EDARADD: variants seen among roughly 807,000 people sequenced by gnomAD.
EDARADD encodes ectodysplasin-A receptor-associated adapter protein.
In EDARADD, 20 loss-of-function variants were observed where a neutral mutation model predicts 25.6. The ratio of observed to expected loss-of-function variants is 0.78; its 90% confidence interval spans 0.55 to 1.14. The LOEUF is 1.14. Ranked by LOEUF, EDARADD falls within the 50% of genes most tolerant of loss-of-function variation. The probability of loss-of-function intolerance (pLI) is 0.00; values close to 1 mark genes in which losing one functional copy is unlikely to be tolerated. For synonymous variants in EDARADD, 86 were observed against 94.4 expected, an observed-to-expected ratio of 0.91 and a Z score of 0.52; for missense variants, 225 against 270.1, an observed-to-expected ratio of 0.83 and a Z score of 1.17.
chr1:236,465,971 T>C (rs1425822356), intron 4 of EDARADD, among the ~76,000 whole-genome samples: 1 of 152,236 alleles, frequency 6.6e-6, no homozygotes, highest in East Asian at 1.9e-4. Context: ...GGCCAGACAT[T>C]GACCTTGGTA....
chr1:236,392,688 T>A (rs535130238), upstream of EDARADD, among the ~76,000 whole-genome samples: 8 of 151,836 alleles, frequency 5.3e-5, no homozygotes, highest in South Asian at 1.7e-3. Context: ...TTATTTATTT[T>A]GAGATGGAGT....
chr1:236,400,161 C>G (rs1667589309), intron 1 of EDARADD, among the ~76,000 whole-genome samples: 1 of 152,188 alleles, frequency 6.6e-6, no homozygotes, highest in African/African-American at 2.4e-5. Flanking sequence ...TCCCAATGCT[C>G]ACTTCATTTC....
chr1:236,356,490 G>A (rs1666977127), intron 3 of EDARADD, among the ~76,000 whole-genome samples: 1 of 152,110 alleles, frequency 6.6e-6, no homozygotes, highest in Non-Finnish European at 1.5e-5. Flanking sequence ...TTGCAGCTAG[G>A]CCAGAGGACC....
At chr1:236,459,960 T>C (rs998034447) in intron 4 of EDARADD, among the ~76,000 whole-genome samples, 4 of 152,148 alleles carry the variant, frequency 2.6e-5, no homozygotes, top group Admixed American at 2.0e-4. Context: ...ACTTGAATTC[T>C]TGCCCACCTC....
chr1:236,399,317 G>T (rs887409746), intron 1 of EDARADD, among the ~76,000 whole-genome samples: 8 of 152,102 alleles, frequency 5.3e-5, no homozygotes, highest in African/African-American at 1.9e-4. Context: ...AAGTAGCTCG[G>T]ATTACAGGGG....
intron 5 of EDARADD, among the ~76,000 whole-genome samples, chr1:236,468,729 A>T (rs1428418389): frequency 6.6e-6 from 1 of 152,222 alleles, no homozygotes; most frequent in Non-Finnish European, 1.5e-5. Context: ...CTGCAGGGAA[A>T]GCCGTATCTT....
At chr1:236,424,419 T>A (rs761489806) in intron 3 of EDARADD, among the ~76,000 whole-genome samples, 14 of 152,070 alleles carry the variant, frequency 9.2e-5, no homozygotes, top group Non-Finnish European at 1.9e-4. Flanking sequence ...CATCTTGGCC[T>A]CCCAAAGTGC....
chr1:236,480,096 C>CACATATAT (rs1659626762), intron 5 of EDARADD, among the ~76,000 whole-genome samples: 1 of 77,834 alleles, frequency 1.3e-5, no homozygotes, highest in Non-Finnish European at 2.3e-5. Flanking sequence ...TTAAGTATGC[C>CACATATAT]ATATATATAT....
intron 3 of EDARADD, among the ~76,000 whole-genome samples, chr1:236,427,055 A>G (rs2103015908): frequency 6.6e-6 from 1 of 152,212 alleles, no homozygotes; most frequent in East Asian, 1.9e-4. Context: ...CTAATTTTGT[A>G]TTTTTAGTAG....
Position 236,363,030 on chromosome 1 carries a change from T to TATAA in EDARADD, c.-6+12193_-6+12196dup, listed in dbSNP as rs1553262250. On this transcript the variant is annotated intron_variant, in intron 3 of 7. Transcript: ENST00000439430. ...AAATATATATATATATATATATATA[T>TATAA]ATAAAATTTGTGTACAGACAGAGTC... is the stretch of plus-strand genomic sequence containing the variant. Among the ~76,000 whole-genome samples, 182 of 101,896 alleles carry TATAA rather than the reference T, an allele frequency of 1.8e-3. 4 individuals are homozygous for TATAA. Among genetic ancestry groups the TATAA allele is most frequent in the African/African-American group, 5.9e-3 (156 of 26,638 alleles). 66.8% of individuals were successfully genotyped at this position (101,896 alleles called of 152,430 possible).
intron 3 of EDARADD, among the ~76,000 whole-genome samples, chr1:236,377,243 C>G (rs1572115447): frequency 6.6e-6 from 1 of 151,324 alleles, no homozygotes; most frequent in Admixed American, 6.6e-5. Context: ...GCAACCTCCA[C>G]CTCCTGGGTT....
At chr1:236,446,225 GC>G (rs1456404282) in intron 4 of EDARADD, among the ~76,000 whole-genome samples, 1 of 152,018 alleles carries the variant, frequency 6.6e-6, no homozygotes, top group Non-Finnish European at 1.5e-5. Context: ...ACAGCCCTTG[GC>G]CTGGCTATGA....
At chr1:236,367,246 T>C (rs1201430921) in intron 3 of EDARADD, among the ~76,000 whole-genome samples, 1 of 151,808 alleles carries the variant, frequency 6.6e-6, no homozygotes, top group East Asian at 1.9e-4. Flanking sequence ...TTTATTTTAT[T>C]TTAGACGGAG....
chr1:236,377,451 C>T (rs1401990184), intron 3 of EDARADD, among the ~76,000 whole-genome samples: 1 of 151,384 alleles, frequency 6.6e-6, no homozygotes, highest in African/African-American at 2.4e-5. Flanking sequence ...CCACCACGCC[C>T]AGCCCAGCCC....
At chr1:236,369,710 T>C (rs757435470) in intron 3 of EDARADD, among the ~76,000 whole-genome samples, 1 of 152,150 alleles carries the variant, frequency 6.6e-6, no homozygotes, top group Non-Finnish European at 1.5e-5. Context: ...TGGTGGTGCA[T>C]GCCTGTAATC....
At chr1:236,444,666 C>T (rs933385882) in intron 4 of EDARADD, among the ~76,000 whole-genome samples, 9 of 152,160 alleles carry the variant, frequency 5.9e-5, no homozygotes, top group Non-Finnish European at 1.2e-4. Flanking sequence ...TCAGGTGATC[C>T]GCCCAACTCG....
At chr1:236,464,253 A>ATT (rs58086878) in intron 4 of EDARADD, among the ~76,000 whole-genome samples, 1 of 141,752 alleles carries the variant, frequency 7.1e-6, no homozygotes, top group Non-Finnish European at 1.5e-5. Context: ...TGCAAGTATT[A>ATT]TTTTTTTTTT....
chr1:236,359,526 C>A (rs76701295), intron 3 of EDARADD, among the ~76,000 whole-genome samples: 1 of 152,138 alleles, frequency 6.6e-6, no homozygotes, highest in African/African-American at 2.4e-5. Flanking sequence ...TGTATTAGTC[C>A]ATTTTTACAC....
chr1:236,356,946 T>C (rs1359554135), intron 3 of EDARADD, among the ~76,000 whole-genome samples: 1 of 151,988 alleles, frequency 6.6e-6, no homozygotes, highest in African/African-American at 2.4e-5. Flanking sequence ...TAGCCGGGCA[T>C]GGTGGTGCAT....
Sources: gnomAD v4.1 joint callset for allele counts (sites outside exome capture counted in the v4.1 genomes callset) on GRCh38, gnomAD v4.1.1 for gene constraint, MANE v1.5 for transcripts, NCBI Gene and HGNC (gene_info 2026-07-23, HGNC 2026-07-21) for gene names.